The following PLXDC2 variants were observed in gnomAD, a reference collection of about 807,000 sequenced individuals.
PLXDC2 encodes the protein plexin domain-containing protein 2.
In PLXDC2, 40 loss-of-function variants were observed where a neutral mutation model predicts 68.9. The ratio of observed to expected loss-of-function variants is 0.58; its 90% CI spans 0.45 to 0.76. The LOEUF (loss-of-function observed/expected upper bound fraction) is 0.76, where lower values mean the gene tolerates loss of function less well. Ranked by LOEUF, PLXDC2 falls within the 30% of genes least tolerant of loss-of-function variation. The pLI is 0.00. For synonymous variants in PLXDC2, 243 were observed against 234.2 expected (o/e 1.04, Z -0.34); for missense variants, 644 against 661.9 (o/e 0.97, Z 0.30).
intron 1 of PLXDC2, among the ~76,000 whole-genome samples, chr10:19,836,031 G>A (rs1483170392): frequency 6.6e-6 from 1 of 151,968 alleles, no homozygotes; most frequent in Non-Finnish European, 1.5e-5. Flanking sequence ...AAAAAAATTA[G>A]CAGGATGTGG....
intron 2 of PLXDC2, among the ~76,000 whole-genome samples, chr10:20,031,026 G>A (rs926738438): frequency 6.6e-6 from 1 of 152,154 alleles, no homozygotes; most frequent in Non-Finnish European, 1.5e-5. Context: ...AGGCCCAGCT[G>A]ACATACCAAC....
intron 1 of PLXDC2, among the ~76,000 whole-genome samples, chr10:19,971,329 C>G (rs1242148108): frequency 6.6e-6 from 1 of 152,156 alleles, no homozygotes; most frequent in Non-Finnish European, 1.5e-5. Context: ...TTGGCCAAAA[C>G]TAAACTTCCC....
At position 19,885,595 on chromosome 10, in the gene PLXDC2, G is replaced by A. The variant is rs1299680272; in HGVS notation, c.112+68404G>A. ...ATGGCTAGCCAGTTTTCCCAGCACC[G>A]TTTATTAAATAGGGAATCCTTTCCC... On this transcript the variant is annotated intron_variant, in intron 1 of 13. Coordinates refer to ENST00000377252, the MANE Select transcript of PLXDC2 (RefSeq NM_032812.9). Among the ~76,000 whole-genome samples the A allele has an allele frequency of 2.0e-3, 309 of 151,730 alleles. 1 individual carries two copies. The highest frequency in any genetic ancestry group is 6.0e-3 in the African/African-American group (249 of 41,460).
At chr10:20,174,116 C>G (rs1209420193) in intron 7 of PLXDC2, among the ~76,000 whole-genome samples, 2 of 150,232 alleles carry the variant, frequency 1.3e-5, no homozygotes, top group Non-Finnish European at 3.0e-5. Context: ...ATTTTAAGCA[C>G]CAAGTAATAT....
chr10:19,925,098 AC>A (rs2131384088), intron 1 of PLXDC2, among the ~76,000 whole-genome samples: 1 of 152,332 alleles, frequency 6.6e-6, no homozygotes, highest in Non-Finnish European at 1.5e-5. Flanking sequence ...AGCACAGTTA[AC>A]CCACTTAAGT....
intron 1 of PLXDC2, among the ~76,000 whole-genome samples, chr10:19,921,111 T>C (rs1222537420): frequency 1.5e-5 from 2 of 130,982 alleles, no homozygotes; most frequent in Admixed American, 7.7e-5. Context: ...CTTTTCTTCT[T>C]CTTTTTTTTT....
At chr10:19,837,533 GATAATTTTACA>G (rs1836822729) in intron 1 of PLXDC2, among the ~76,000 whole-genome samples, 1 of 151,932 alleles carries the variant, frequency 6.6e-6, no homozygotes, top group Non-Finnish European at 1.5e-5. Flanking sequence ...GTCAGGTTCT[GATAATTTTACA>G]ATATTTATGG....
chr10:20,054,481 G>C (rs1216973021), intron 3 of PLXDC2, among the ~76,000 whole-genome samples: 1 of 152,020 alleles, frequency 6.6e-6, no homozygotes, highest in East Asian at 1.9e-4. Flanking sequence ...TAGGATAGAT[G>C]GATGGGTAGA....
chr10:19,881,583 TATG>T (rs1184500704), intron 1 of PLXDC2, among the ~76,000 whole-genome samples: 1 of 152,194 alleles, frequency 6.6e-6, no homozygotes, highest in Non-Finnish European at 1.5e-5. Context: ...ACATCATATA[TATG>T]ATGCCAGATA....
At chr10:20,219,471 A>G (rs560469922) in intron 12 of PLXDC2, among the ~76,000 whole-genome samples, 3 of 152,314 alleles carry the variant, frequency 2.0e-5, no homozygotes, top group Non-Finnish European at 4.4e-5. Flanking sequence ...AGCACCTTCT[A>G]TGCATAAAAT....
intron 1 of PLXDC2, among the ~76,000 whole-genome samples, chr10:19,947,703 C>CTTT (rs1440733717): frequency 9.1e-6 from 1 of 110,042 alleles, no homozygotes; most frequent in East Asian, 2.5e-4. Flanking sequence ...TCTTTTCTTT[C>CTTT]TTTCTTTTTT....
chr10:20,176,856 G>T (rs2131826035), intron 7 of PLXDC2, 143 bp from the exon 8 acceptor site: 1 of 586,990 alleles, frequency 1.7e-6, no homozygotes, highest in Non-Finnish European at 2.9e-6. Context: ...TACATATTTT[G>T]TAATCAGTCT....
At position 20,086,974 on chromosome 10, in the gene PLXDC2, C is replaced by A. The variant is rs568019793; in HGVS notation, c.541+18735C>A. On this transcript the variant is annotated intron_variant, in intron 4 of 13. Transcript: ENST00000377252. ...AGGCAAAAGAACATAGAAGATATTTCTTCCAAATTTTAAAGGATAAAGAAT... is the reference window on the plus strand; with the variant it reads ...AGGCAAAAGAACATAGAAGATATTTATTCCAAATTTTAAAGGATAAAGAAT... Among the ~76,000 whole-genome samples the A allele has an allele frequency of 2.1e-4, 32 of 152,326 alleles. 1 individual carries two copies. The highest frequency in any genetic ancestry group is 9.1e-4 in the Admixed American group (14 of 15,302).
chr10:20,210,452 G>C (rs1055898874), intron 9 of PLXDC2, among the ~76,000 whole-genome samples: 3 of 152,036 alleles, frequency 2.0e-5, no homozygotes, highest in Non-Finnish European at 4.4e-5. Context: ...GTAATTTCTG[G>C]GTCTTAGAAA....
At chr10:20,097,111 TGATCTA>T (rs1387452234) in intron 4 of PLXDC2, among the ~76,000 whole-genome samples, 1 of 152,164 alleles carries the variant, frequency 6.6e-6, no homozygotes, top group Admixed American at 6.6e-5. Flanking sequence ...TGCTTTGAAT[TGATCTA>T]GAGGCATTTG....
chr10:20,164,167 A>G (rs906053369), intron 6 of PLXDC2, among the ~76,000 whole-genome samples: 1 of 152,172 alleles, frequency 6.6e-6, no homozygotes, highest in African/African-American at 2.4e-5. Context: ...TGGTGTGCCT[A>G]TATGTGTGAT....
chr10:20,164,601 C>A (rs368340122), intron 7 of PLXDC2, 34 bp downstream of exon 7: 3 of 1,504,598 alleles, frequency 2.0e-6, no homozygotes, highest in South Asian at 2.3e-5. Context: ...AATGAGTGAG[C>A]CTCTGTGGGG....
At position 20,126,560 on chromosome 10, in the gene PLXDC2, T is replaced by C. The variant is rs772426857; in HGVS notation, c.542-16735T>C. On this transcript the variant is annotated intron_variant, in intron 4 of 13. Coordinates refer to ENST00000377252, the MANE Select transcript of PLXDC2 (RefSeq NM_032812.9). ...AACACACACGTTATATATGTATATA[T>C]AACACACACGTTATATATGTATATA... Among the ~76,000 whole-genome samples the C allele has an allele frequency of 6.7e-4, 2 of 2,974 alleles. 1 individual carries two copies. Among genetic ancestry groups the C allele is most frequent in the South Asian group, 5.7e-3 (2 of 350 alleles). 2.0% of individuals were successfully genotyped at this position (2,974 alleles called of 152,430 possible). A position where few individuals can be genotyped will look rare whatever the true frequency, so the allele number is the denominator to read the frequency against.
chr10:20,209,528 A>AT (rs954364039), intron 9 of PLXDC2, among the ~76,000 whole-genome samples: 2 of 68,526 alleles, frequency 2.9e-5, no homozygotes, highest in African/African-American at 6.1e-5. Flanking sequence ...AAGTATAATA[A>AT]TAAAAAAAAA....
Sources: gnomAD v4.1 joint callset for allele counts (sites outside exome capture counted in the v4.1 genomes callset) on GRCh38, gnomAD v4.1.1 for gene constraint, MANE v1.5 for transcripts, NCBI Gene and HGNC (gene_info 2026-07-23, HGNC 2026-07-21) for gene names.